Variants in ELMOD1 observed in about 807,000 individuals in gnomAD.
The protein encoded by ELMOD1 is ELMO domain containing 1.
In ELMOD1, 21 loss-of-function variants were observed where a neutral mutation model predicts 46.7. The ratio of observed to expected loss-of-function variants is 0.45; its 90% confidence interval spans 0.32 to 0.65. ELMOD1 has a LOEUF of 0.65. ELMOD1 is among the 30% of genes least tolerant of loss of function. The pLI is 0.04. For missense variants in ELMOD1, 348 were observed against 407.8 expected, an observed-to-expected ratio of 0.85 and a Z score of 1.26; for synonymous variants, 122 against 138.2, an observed-to-expected ratio of 0.88 and a Z score of 0.82.
At chr11:107,595,511 C>T (rs7933941) in intron 1 of ELMOD1, among the ~76,000 whole-genome samples, 18,349 of 152,132 alleles carry the variant, frequency 0.12, 1,355 homozygotes, top group African/African-American at 0.21. Context: ...AGCAAGGCTT[C>T]GCATGAACAC....
At chr11:107,629,453 A>G (rs1866099502) in intron 2 of ELMOD1, among the ~76,000 whole-genome samples, 1 of 152,244 alleles carries the variant, frequency 6.6e-6, no homozygotes, top group Non-Finnish European at 1.5e-5. Context: ...GGTTGACTAT[A>G]TAAGTTCCCG....
At position 107,665,032 on chromosome 11, in the gene ELMOD1, G is replaced by A. The variant is rs647756; in HGVS notation, c.840G>A (p.Leu280=). 0.097 allele frequency: 156,928 copies of A among 1,611,566 alleles called. 20,405 individuals carry two copies. The highest frequency in any genetic ancestry group is 0.59 in the African/African-American group (44,200 of 74,706). ...LSHFQQTFCY[L]MHEFHKFWIE... ...TTGTATTGTCTCCAACAGGCTATTT[G>A]ATGCATGAATTTCATAAGTTTTGGA... is the stretch of plus-strand genomic sequence containing the variant. Residue 280 remains leucine (L), a synonymous_variant, in exon 12 of 12, where the codon TTG becomes TTA. Transcript: ENST00000265840.
At chr11:107,607,463 C>T (rs898024745) in intron 1 of ELMOD1, among the ~76,000 whole-genome samples, 2 of 152,088 alleles carry the variant, frequency 1.3e-5, no homozygotes, top group African/African-American at 4.8e-5. Flanking sequence ...CAAGACCAGC[C>T]TGGGCAACAT....
chr11:107,633,564 C>T (rs544654377), intron 5 of ELMOD1, among the ~76,000 whole-genome samples: 1 of 152,250 alleles, frequency 6.6e-6, no homozygotes, highest in African/African-American at 2.4e-5. Context: ...TCCCAAGTAG[C>T]TGGGACTACA....
chr11:107,635,220 G>A (rs766529432), intron 5 of ELMOD1, among the ~76,000 whole-genome samples: 16 of 152,074 alleles, frequency 1.1e-4, no homozygotes, highest in Non-Finnish European at 2.1e-4. Context: ...TAATCCCTAA[G>A]AGCCCAGTAT....
intron 11 of ELMOD1, among the ~76,000 whole-genome samples, chr11:107,661,805 A>G (rs780337201): frequency 1.3e-5 from 2 of 152,204 alleles, no homozygotes; most frequent in Non-Finnish European, 2.9e-5. Context: ...GCATTTTTTA[A>G]CAAGTACCGC....
intron 7 of ELMOD1, among the ~76,000 whole-genome samples, chr11:107,648,532 T>C (rs902073206): frequency 2.0e-5 from 3 of 152,226 alleles, no homozygotes; most frequent in Non-Finnish European, 4.4e-5. Flanking sequence ...CATCAGCCTT[T>C]CTTCCTTCTA....
rs480975 is a variant in ELMOD1, at chr11:107,594,280, A to G, written c.-86+2871A>G. On this transcript the variant is annotated intron_variant, in intron 1 of 11. Coordinates refer to ENST00000265840, the MANE Select transcript of ELMOD1 (RefSeq NM_018712.4). ...CTTATCCTGGGCGAAAATGAGAAAA[A>G]AAAAAAATCTCTGTGTTAATAGTTA... Among the ~76,000 whole-genome samples, 235 of 152,162 alleles carry G rather than the reference A, an allele frequency of 1.5e-3. 2 individuals carry two copies. Among genetic ancestry groups the G allele is most frequent in the African/African-American group, 5.4e-3 (226 of 41,518 alleles).
intron 2 of ELMOD1, chr11:107,625,425 T>G: frequency 1.0e-6 from 1 of 984,704 alleles, no homozygotes; most frequent in Non-Finnish European, 1.2e-6. Context: ...TTAACTTTCA[T>G]TAGCACATTC....
chr11:107,653,335 A>G (rs1216620109), intron 9 of ELMOD1: 4 of 148,954 alleles, frequency 2.7e-5, no homozygotes, highest in Admixed American at 6.7e-5. Flanking sequence ...GAGGCCAAGA[A>G]AGAGAGAGAG....
intron 1 of ELMOD1, among the ~76,000 whole-genome samples, chr11:107,599,414 A>T: frequency 6.6e-6 from 1 of 152,222 alleles, no homozygotes; most frequent in African/African-American, 2.4e-5. Flanking sequence ...TATATTTTAT[A>T]CCTCTAAAGA....
intron 1 of ELMOD1, chr11:107,591,832 G>C (rs1181860212): frequency 6.3e-6 from 3 of 473,548 alleles, no homozygotes; most frequent in African/African-American, 6.0e-5. Context: ...TTGCCTTGTG[G>C]GCTTCGGTCT....
intron 1 of ELMOD1, among the ~76,000 whole-genome samples, chr11:107,599,558 A>G (rs1376484308): frequency 2.0e-5 from 3 of 151,930 alleles, no homozygotes; most frequent in East Asian, 3.9e-4. Flanking sequence ...CCTGGCCAAC[A>G]TGGTGAAACC....
intron 1 of ELMOD1, among the ~76,000 whole-genome samples, chr11:107,604,520 A>G (rs1291227370): frequency 6.6e-6 from 1 of 152,148 alleles, no homozygotes; most frequent in African/African-American, 2.4e-5. Context: ...CAGTCTTGCT[A>G]TGTTTCATTG....
intron 1 of ELMOD1, among the ~76,000 whole-genome samples, chr11:107,599,484 G>A (rs957368972): frequency 1.4e-4 from 22 of 152,058 alleles, no homozygotes; most frequent in African/African-American, 4.8e-4. Context: ...GCTCACACCT[G>A]TAATCCCTGC....
intron 6 of ELMOD1, chr11:107,643,750 CT>C: frequency 2.1e-6 from 1 of 483,340 alleles, no homozygotes; most frequent in Non-Finnish European, 4.2e-6. Context: ...AATCTTGACT[CT>C]TATGTTCTGT....
rs149847580 is a variant in ELMOD1 at position 107,627,673 on chromosome 11, T to G, written c.18-2744T>G. Among the ~76,000 whole-genome samples, 122 of 152,278 alleles carry G rather than the reference T, an allele frequency of 8.0e-4. 2 individuals carry two copies. The East Asian group carries it at 0.012, about 15-fold the overall frequency. The stretch of plus-strand genomic sequence containing the variant: ...ACTTCTAGGTCTCAAGCCTCCTCTT[T>G]GTGTAGACCTGATACAGAGGTCACA... On this transcript the variant is annotated intron_variant, in intron 2 of 11. Transcript: ENST00000265840.
Position 107,601,954 on chromosome 11 carries a change from C to T in ELMOD1, c.-86+10545C>T, listed in dbSNP as rs73557727. Among the ~76,000 whole-genome samples the T allele has an allele frequency of 5.3e-3, 800 of 152,242 alleles. 6 individuals are homozygous for T. Among genetic ancestry groups the T allele is most frequent in the African/African-American group, 0.019 (775 of 41,538 alleles). On this transcript the variant is annotated intron_variant, in intron 1 of 11. Coordinates refer to ENST00000265840, the MANE Select transcript of ELMOD1 (RefSeq NM_018712.4). ...TTCTAAGAAATCCTTTCACCTTTCTCCAGTATGGGATTTTCTGATTCCTGG... is the reference window on the plus strand; with the variant it reads ...TTCTAAGAAATCCTTTCACCTTTCTTCAGTATGGGATTTTCTGATTCCTGG...
At chr11:107,611,013 A>AAAAAAAAG (rs1565372447) in intron 1 of ELMOD1, among the ~76,000 whole-genome samples, 1 of 150,446 alleles carries the variant, frequency 6.6e-6, no homozygotes, top group East Asian at 2.0e-4. Flanking sequence ...AAAAAAAAAA[A>AAAAAAAAG]AAAAGAAAAC....
Sources: allele counts gnomAD v4.1 joint callset (sites outside exome capture counted in the v4.1 genomes callset), GRCh38; gene constraint gnomAD v4.1.1; transcripts MANE v1.5; gene names NCBI Gene and HGNC (gene_info 2026-07-23, HGNC 2026-07-21).